ARHGEF38: variants seen among roughly 807,000 people sequenced by gnomAD.
ARHGEF38 encodes Rho guanine nucleotide exchange factor (GEF) 38.
Under a neutral mutation model 79.9 loss-of-function variants are expected in ARHGEF38, and 79 were observed. The ratio of observed to expected loss-of-function variants is 0.99; its 90% CI spans 0.82 to 1.19. The LOEUF (loss-of-function observed/expected upper bound fraction) is 1.19. ARHGEF38 is among the 50% of genes most tolerant of loss of function. The pLI is 0.00. For missense variants in ARHGEF38, 962 were observed against 907.2 expected (o/e 1.06, Z -0.78); for synonymous variants, 366 against 328.3 (o/e 1.11, Z -1.24).
chr4:105,555,267 A>G (rs1016421207), intron 1 of ARHGEF38, among the ~76,000 whole-genome samples: 5 of 152,182 alleles, frequency 3.3e-5, no homozygotes, highest in African/African-American at 1.2e-4. Context: ...CACATAAGCC[A>G]TAAAGATAGG....
chr4:105,610,173 C>A (rs191614743), intron 2 of ARHGEF38, among the ~76,000 whole-genome samples: 226 of 152,062 alleles, frequency 1.5e-3, no homozygotes, highest in Non-Finnish European at 2.9e-3. Context: ...CTCATGGACA[C>A]AGAGAGGGGA....
intron 9 of ARHGEF38, among the ~76,000 whole-genome samples, chr4:105,658,359 C>A (rs1485244377): frequency 6.6e-6 from 1 of 152,076 alleles, no homozygotes; most frequent in Non-Finnish European, 1.5e-5. Context: ...GAGAAAGTGC[C>A]ACTGCACTCC....
rs575794411 is a variant in ARHGEF38 at position 105,646,626 on chromosome 4, T to C, written c.874+1239T>C. On this transcript the variant is annotated intron_variant, in intron 6 of 13. Coordinates refer to ENST00000420470, the MANE Select transcript of ARHGEF38 (RefSeq NM_001242729.2). ...ACTCAGAAAATGAATTTCTAAGTAT[T>C]TGCCCAAGAGAGACTCTTGCCCATG... 7.9e-5 allele frequency among the ~76,000 whole-genome samples: 12 copies of C among 152,302 alleles called. 1 individual carries two copies. The highest frequency in any genetic ancestry group is 7.8e-4 in the Admixed American group (12 of 15,296).
Position 105,667,647 on chromosome 4 carries a change from G to A in ARHGEF38, c.2092G>A (p.Gly698Arg). The A allele has an allele frequency of 6.5e-7, 1 of 1,536,458 alleles. No individual in the cohort carries two copies. Among genetic ancestry groups the A allele is most frequent in the Non-Finnish European group, 8.7e-7 (1 of 1,147,004 alleles). The change falls in exon 13 of 14, where the codon GGA becomes AGA. Residue 698 changes from glycine (G) to arginine (R), a missense_variant. By Grantham distance (125) the Gly-to-Arg change is moderately radical. Coordinates refer to ENST00000420470, the MANE Select transcript of ARHGEF38 (RefSeq NM_001242729.2). The part of the protein sequence containing the change: ...DSSSSLSGTC[G>R]KFETNGTDVD... The stretch of plus-strand genomic sequence containing the variant: ...CAGCTCATCTCTTAGTGGCACATGT[G>A]GAAAGTTTGAAACAAATGGTACTGA...
At chr4:105,632,305 C>T in intron 4 of ARHGEF38, among the ~76,000 whole-genome samples, 1 of 152,062 alleles carries the variant, frequency 6.6e-6, no homozygotes, top group East Asian at 1.9e-4. Flanking sequence ...AGTGTTTGTG[C>T]TGTGTCAAGC....
intron 3 of ARHGEF38, among the ~76,000 whole-genome samples, chr4:105,626,641 GT>G (rs1449962485): frequency 6.6e-6 from 1 of 151,966 alleles, no homozygotes; most frequent in Non-Finnish European, 1.5e-5. Context: ...AAGACTTTCA[GT>G]TTGTTTATCT....
intron 13 of ARHGEF38, among the ~76,000 whole-genome samples, chr4:105,676,005 T>C (rs1247470136): frequency 6.6e-6 from 1 of 152,234 alleles, no homozygotes; most frequent in Non-Finnish European, 1.5e-5. Flanking sequence ...GGTTCTTTCC[T>C]TGGGGAGCAG....
intron 2 of ARHGEF38, among the ~76,000 whole-genome samples, chr4:105,606,589 A>C (rs943691542): frequency 6.6e-6 from 1 of 152,102 alleles, no homozygotes; most frequent in African/African-American, 2.4e-5. Flanking sequence ...GAGTGTGAAT[A>C]AGACTTTAGC....
chr4:105,620,009 T>G (rs6833345), intron 3 of ARHGEF38, among the ~76,000 whole-genome samples: 30,510 of 152,066 alleles, frequency 0.2, 4,042 homozygotes, highest in African/African-American at 0.37. Flanking sequence ...AGATAAACTA[T>G]GAAGAAAATT....
At chr4:105,564,613 T>C (rs914314828) in intron 1 of ARHGEF38, among the ~76,000 whole-genome samples, 1 of 152,198 alleles carries the variant, frequency 6.6e-6, no homozygotes, top group Admixed American at 6.5e-5. Context: ...TACTTAAAAA[T>C]AGTTAACATT....
intron 13 of ARHGEF38, among the ~76,000 whole-genome samples, chr4:105,669,052 T>TAAC (rs1730868211): frequency 6.6e-6 from 1 of 151,648 alleles, no homozygotes. Context: ...TCTTTAGAAA[T>TAAC]AATAATAATA....
At chr4:105,656,388 GC>G (rs1408387158) in intron 9 of ARHGEF38, among the ~76,000 whole-genome samples, 2 of 152,098 alleles carry the variant, frequency 1.3e-5, no homozygotes, top group Non-Finnish European at 2.9e-5. Context: ...TTATTAACAT[GC>G]TATATACTGG....
intron 5 of ARHGEF38, among the ~76,000 whole-genome samples, chr4:105,644,143 C>T (rs1047618548): frequency 1.3e-5 from 2 of 152,144 alleles, no homozygotes; most frequent in Non-Finnish European, 2.9e-5. Context: ...GCTGGGATTA[C>T]AGGCCCAAAC....
intron 9 of ARHGEF38, among the ~76,000 whole-genome samples, chr4:105,658,306 G>A (rs1730420444): frequency 6.6e-6 from 1 of 152,118 alleles, no homozygotes; most frequent in Admixed American, 6.6e-5. Flanking sequence ...CTATTCGGGA[G>A]GCTGAGGTGG....
intron 9 of ARHGEF38, among the ~76,000 whole-genome samples, chr4:105,656,487 G>C (rs1185430963): frequency 6.6e-6 from 1 of 152,128 alleles, no homozygotes. Context: ...TATTTTGTAA[G>C]AGTTCTATAA....
At chr4:105,615,963 G>A (rs988648993) in intron 3 of ARHGEF38, among the ~76,000 whole-genome samples, 1 of 152,168 alleles carries the variant, frequency 6.6e-6, no homozygotes, top group Admixed American at 6.5e-5. Flanking sequence ...CATCTACTGG[G>A]TGTAGCAGCT....
chr4:105,603,168 A>G (rs960296417), intron 2 of ARHGEF38, among the ~76,000 whole-genome samples: 1 of 152,180 alleles, frequency 6.6e-6, no homozygotes, highest in Non-Finnish European at 1.5e-5. Flanking sequence ...CAATATATTG[A>G]GTACTTATTA....
At position 105,666,284 on chromosome 4, in the gene ARHGEF38, A is replaced by T; in HGVS notation, c.1653A>T (p.Lys551Asn). The change falls in exon 11 of 14, where the codon AAA becomes AAT. Residue 551 changes from lysine to asparagine, a missense_variant. Transcript: ENST00000420470. ...ACAGTGCCACCTTTATTGAGAGGAA[A>T]CTCAGTTTTGAAAAGAAGAAACCTG... Reference protein sequence around the residue: ...KENSATFIERKLSFEKKKPVQ... With the variant: ...KENSATFIERNLSFEKKKPVQ... 2 of 1,534,158 alleles carry T rather than the reference A, an allele frequency of 1.3e-6. No homozygotes were observed. Among genetic ancestry groups the T allele is most frequent in the South Asian group, 2.4e-5 (2 of 83,326 alleles).
At chr4:105,608,698 CT>C (rs1027235373) in intron 2 of ARHGEF38, among the ~76,000 whole-genome samples, 3 of 150,556 alleles carry the variant, frequency 2.0e-5, no homozygotes, top group African/African-American at 4.9e-5. Context: ...TATCTTCTTT[CT>C]TTTTTTTTAA....
Sources: gnomAD v4.1 joint callset for allele counts (sites outside exome capture counted in the v4.1 genomes callset) on GRCh38, gnomAD v4.1.1 for gene constraint, MANE v1.5 for transcripts, NCBI Gene and HGNC (gene_info 2026-07-23, HGNC 2026-07-21) for gene names.